FBN2: variants seen among roughly 807,000 people sequenced by gnomAD.
FBN2 encodes fibrillin-2.
A neutral mutation model predicts 355.6 loss-of-function variants in FBN2; 105 were observed. That is an observed-to-expected ratio of 0.30 (90% CI 0.25 to 0.35). The LOEUF is 0.35. FBN2 is among the 10% of genes least tolerant of loss of function. The probability of loss-of-function intolerance (pLI) is 1.00; values close to 1 mark genes in which losing one functional copy is unlikely to be tolerated. For missense variants in FBN2, 3,280 were observed against 3,758.7 expected (o/e 0.87, Z 3.33); for synonymous variants, 1,350 against 1,301.2 (o/e 1.04, Z -0.81).
chr5:128,494,343 T>C (rs1241914431), intron 5 of FBN2, among the ~76,000 whole-genome samples: 2 of 152,138 alleles, frequency 1.3e-5, no homozygotes, highest in African/African-American at 4.8e-5. Flanking sequence ...GAGATTTTGA[T>C]GGTAGGCAAT....
chr5:128,267,590 CAT>C (rs748713519), intron 62 of FBN2, among the ~76,000 whole-genome samples: 4 of 152,078 alleles, frequency 2.6e-5, no homozygotes, highest in Admixed American at 6.5e-5. Context: ...AGCTTTTTTT[CAT>C]ATGTTTGTTG....
intron 48 of FBN2, among the ~76,000 whole-genome samples, chr5:128,292,631 CACA>C (rs1282800725): frequency 1.3e-5 from 2 of 152,146 alleles, no homozygotes; most frequent in African/African-American, 4.8e-5. Context: ...AAAAAACAAA[CACA>C]ACAACTCCTG....
chr5:128,319,019 A>T lies in FBN2; in HGVS notation c.4472-18T>A, dbSNP rs200285828. On this transcript the variant is annotated intron_variant, in intron 34 of 64. Coordinates refer to ENST00000262464, the MANE Select transcript of FBN2 (RefSeq NM_001999.4). Reference sequence around the variant, plus strand: ...ATCAATATCTGAAGATTTTAAAAAAAAGTAATCTCTTATTTAAGAAGACAT... The same window carrying T: ...ATCAATATCTGAAGATTTTAAAAAATAGTAATCTCTTATTTAAGAAGACAT... The T allele has an allele frequency of 3.7e-4, 578 of 1,582,584 alleles. No individual in the cohort carries two copies. The highest frequency in any genetic ancestry group is 4.7e-4 in the Non-Finnish European group (538 of 1,151,646).
chr5:128,343,163 G>A (rs1207900832), intron 25 of FBN2, among the ~76,000 whole-genome samples: 1 of 152,168 alleles, frequency 6.6e-6, no homozygotes, highest in Non-Finnish European at 1.5e-5. Flanking sequence ...CAGGGAAGAG[G>A]TTTAGAAGCA....
chr5:128,259,723 G>A lies in FBN2; in HGVS notation c.8471C>T (p.Ala2824Val). 1 of 1,613,884 alleles carries A rather than the reference G, an allele frequency of 6.2e-7. No individual in the cohort carries two copies. The highest frequency in any genetic ancestry group is 8.5e-7 in the Non-Finnish European group (1 of 1,179,924). ...GATGTGGTTGTTGAGGGGCTGGATG[G>A]CGGGCCTTAGTTCCAGGATGTGCTC... ...SKEHILELRP[A>V]IQPLNNHIRY... is the part of the protein sequence containing the mutation. The change falls in exon 65 of 65, where the codon GCC becomes GTC. Residue 2824 changes from alanine to valine, a missense_variant. Ala to Val is a moderately conservative substitution (Grantham distance 64). Transcript: ENST00000262464.
chr5:128,306,182 A>C (rs770791211), intron 42 of FBN2, among the ~76,000 whole-genome samples: 2 of 152,224 alleles, frequency 1.3e-5, no homozygotes, highest in Non-Finnish European at 2.9e-5. Flanking sequence ...GTAATTTCAG[A>C]GTCAATATAG....
chr5:128,502,298 A>T (rs36018821), intron 5 of FBN2, among the ~76,000 whole-genome samples: 206 of 116,790 alleles, frequency 1.8e-3, no homozygotes, highest in East Asian at 0.016. Flanking sequence ...AAAAAAAAAA[A>T]AATAATTATA....
At chr5:128,359,112 G>C (rs27754) in intron 19 of FBN2, among the ~76,000 whole-genome samples, 1 of 151,646 alleles carries the variant, frequency 6.6e-6, no homozygotes, top group South Asian at 2.1e-4. Flanking sequence ...CAGACTCTCA[G>C]AGCTCAAACA....
intron 11 of FBN2, among the ~76,000 whole-genome samples, chr5:128,380,065 A>T: frequency 6.6e-6 from 1 of 152,084 alleles, no homozygotes. Context: ...AGCAAATAAA[A>T]TAAAAACAAC....
intron 15 of FBN2, among the ~76,000 whole-genome samples, 172 bp downstream of exon 15, chr5:128,374,456 T>C (rs1752029251): frequency 6.6e-6 from 1 of 152,228 alleles, no homozygotes; most frequent in Non-Finnish European, 1.5e-5. Flanking sequence ...TCATACACTG[T>C]ATGGTGTTTT....
chr5:128,341,978 G>A (rs1438095204), intron 25 of FBN2, among the ~76,000 whole-genome samples: 1 of 152,140 alleles, frequency 6.6e-6, no homozygotes, highest in Non-Finnish European at 1.5e-5. Context: ...AATGCATACA[G>A]GGAAGTCCCT....
chr5:128,456,824 A>G (rs1354489515), intron 6 of FBN2, among the ~76,000 whole-genome samples: 1 of 152,166 alleles, frequency 6.6e-6, no homozygotes. Flanking sequence ...GACAGAAACT[A>G]GACAAACACA....
At chr5:128,305,984 T>G (rs749689754) in intron 42 of FBN2, 36 bp from the exon 43 acceptor site, 7 of 1,591,520 alleles carry the variant, frequency 4.4e-6, no homozygotes, top group Non-Finnish European at 6.0e-6. Context: ...TATATGTTGT[T>G]CTGTTTAATA....
intron 5 of FBN2, among the ~76,000 whole-genome samples, chr5:128,502,084 TAGG>T (rs1049352327): frequency 1.3e-5 from 2 of 152,082 alleles, no homozygotes; most frequent in Non-Finnish European, 2.9e-5. Flanking sequence ...GCAAGTGACT[TAGG>T]AGAAGAAAGA....
At chr5:128,370,688 G>A (rs990823351) in intron 15 of FBN2, among the ~76,000 whole-genome samples, 1 of 152,098 alleles carries the variant, frequency 6.6e-6, no homozygotes, top group African/African-American at 2.4e-5. Context: ...AGGCATCTAT[G>A]AACAGCCAAA....
intron 5 of FBN2, among the ~76,000 whole-genome samples, chr5:128,482,706 T>A (rs1402911127): frequency 6.6e-6 from 1 of 152,208 alleles, no homozygotes; most frequent in South Asian, 2.1e-4. Context: ...TCCCATTTTT[T>A]AATCTTTTCC....
At chr5:128,306,362 G>C (rs917263034) in intron 42 of FBN2, among the ~76,000 whole-genome samples, 1 of 152,162 alleles carries the variant, frequency 6.6e-6, no homozygotes, top group Non-Finnish European at 1.5e-5. Flanking sequence ...GCTCACGCCT[G>C]TAATCCCAGC....
At chr5:128,438,219 C>T (rs185179243) in intron 7 of FBN2, among the ~76,000 whole-genome samples, 21 of 152,314 alleles carry the variant, frequency 1.4e-4, no homozygotes, top group African/African-American at 2.4e-5. Flanking sequence ...CTCAAACTTC[C>T]GGGCCTCAAG....
chr5:128,453,999 C>T (rs3805660), intron 6 of FBN2, among the ~76,000 whole-genome samples: 2 of 151,360 alleles, frequency 1.3e-5, no homozygotes, highest in South Asian at 2.1e-4. Flanking sequence ...TGCCCCCCCC[C>T]CAAGTTTCTC....
Sources: gnomAD v4.1 joint callset for allele counts (sites outside exome capture counted in the v4.1 genomes callset) on GRCh38, gnomAD v4.1.1 for gene constraint, MANE v1.5 for transcripts, NCBI Gene and HGNC (gene_info 2026-07-23, HGNC 2026-07-21) for gene names.